The following USP32 variants were observed in gnomAD, a reference collection of about 807,000 sequenced individuals.
The protein encoded by USP32 is ubiquitin specific peptidase 32.
USP32 carries 59 observed loss-of-function variants against 204.8 expected under a neutral mutation model. The ratio of observed to expected loss-of-function variants is 0.29; its 90% CI spans 0.23 to 0.36. The LOEUF (loss-of-function observed/expected upper bound fraction) is 0.36, where lower values mean the gene tolerates loss of function less well. Among genes scored for constraint, USP32 ranks in the 10% least tolerant of loss-of-function variants. USP32 has a pLI of 1.00. For missense variants in USP32, 1,160 were observed against 1,946.4 expected, an observed-to-expected ratio of 0.60 and a Z score of 7.60; for synonymous variants, 517 against 678.4, an observed-to-expected ratio of 0.76 and a Z score of 3.70.
At chr17:60,416,187 G>C (rs1414810698) in intron 1 of USP32, among the ~76,000 whole-genome samples, 1 of 151,994 alleles carries the variant, frequency 6.6e-6, no homozygotes, top group Non-Finnish European at 1.5e-5. Context: ...AGTTCTTTAG[G>C]GTAATACAAG....
intron 7 of USP32, among the ~76,000 whole-genome samples, chr17:60,268,681 G>A (rs1258615543): frequency 6.6e-6 from 1 of 151,568 alleles, no homozygotes; most frequent in Non-Finnish European, 1.5e-5. Context: ...TATAACAACA[G>A]GGAATAAAAA....
chr17:60,312,713 G>T (rs1271879865), intron 2 of USP32, among the ~76,000 whole-genome samples: 1 of 151,980 alleles, frequency 6.6e-6, no homozygotes, highest in Middle Eastern at 3.2e-3. Context: ...AAGTTAAAAA[G>T]GCAAAAAATA....
intron 2 of USP32, among the ~76,000 whole-genome samples, chr17:60,302,998 A>G (rs2087624219): frequency 6.6e-6 from 1 of 152,178 alleles, no homozygotes; most frequent in Admixed American, 6.5e-5. Context: ...TCGAGAAGTT[A>G]GTCAATATGA....
rs2084426428 is a variant in USP32, at chr17:60,193,050, T to C, written c.3435-120A>G. 1.4e-5 allele frequency: 14 copies of C among 1,001,050 alleles called. No individual in the cohort carries two copies. In the South Asian group the frequency reaches 2.1e-4, roughly 15 times the overall value. The allele number at this position is 1,001,050 out of a possible 1,614,324, so 62.0% of individuals were successfully genotyped here. On this transcript the variant is annotated intron_variant, in intron 27 of 33. Coordinates refer to ENST00000300896, the MANE Select transcript of USP32 (RefSeq NM_032582.4). ...CATTTGCCATAGCAGTACGCTCATGTTGACAGCTCAATGTTACTTACCCTA... is the reference window on the plus strand; with the variant it reads ...CATTTGCCATAGCAGTACGCTCATGCTGACAGCTCAATGTTACTTACCCTA...
At position 60,198,438 on chromosome 17, in the gene USP32, T is replaced by C. The variant is rs778794146; in HGVS notation, c.3256A>G (p.Thr1086Ala). 3 of 1,614,092 alleles carry C rather than the reference T, an allele frequency of 1.9e-6. No individual in the cohort carries two copies. The highest frequency in any genetic ancestry group is 1.1e-5 in the South Asian group (1 of 91,056). ...IIAVHRKMMR[T>A]ELYFLSSQKN... ...TGAGATGACAGGAAATACAGTTCTGTCCTCATCTGTATGTACAAACAAGAG... is the reference window on the plus strand; with the variant it reads ...TGAGATGACAGGAAATACAGTTCTGCCCTCATCTGTATGTACAAACAAGAG... The change falls in exon 27 of 34, where the codon ACA becomes GCA. Residue 1086 changes from threonine to alanine, a missense_variant. Coordinates refer to ENST00000300896, the MANE Select transcript of USP32 (RefSeq NM_032582.4).
chr17:60,288,738 G>C, intron 4 of USP32, 56 bp from the exon 5 acceptor site: 1 of 1,480,362 alleles, frequency 6.8e-7, no homozygotes, highest in Non-Finnish European at 9.1e-7. Flanking sequence ...ATCTTACTTG[G>C]AACCTGCACA....
intron 1 of USP32, among the ~76,000 whole-genome samples, chr17:60,366,703 C>G (rs2089321313): frequency 6.6e-6 from 1 of 151,642 alleles, no homozygotes; most frequent in Admixed American, 6.6e-5. Flanking sequence ...GAGCTTGAGA[C>G]CATCCTGGGA....
At chr17:60,204,939 A>C (rs2145478091) in intron 26 of USP32, among the ~76,000 whole-genome samples, 1 of 150,632 alleles carries the variant, frequency 6.6e-6, no homozygotes, top group African/African-American at 2.5e-5. Context: ...ATGGCTGCTT[A>C]GTTAAAAAAA....
chr17:60,252,514 T>C (rs766723464), intron 10 of USP32, 72 bp from the exon 11 acceptor site: 21 of 1,152,040 alleles, frequency 1.8e-5, no homozygotes, highest in Non-Finnish European at 2.6e-5. Flanking sequence ...GAGACCCATT[T>C]CCTAAATTGG....
At chr17:60,359,640 G>A (rs2089159773) in intron 1 of USP32, among the ~76,000 whole-genome samples, 1 of 152,060 alleles carries the variant, frequency 6.6e-6, no homozygotes. Context: ...GGGAGACCCT[G>A]TCTCTACAAA....
intron 2 of USP32, among the ~76,000 whole-genome samples, chr17:60,336,672 C>T (rs1163393591): frequency 6.9e-6 from 1 of 144,648 alleles, no homozygotes; most frequent in African/African-American, 2.7e-5. Context: ...GCCGAGATCC[C>T]GCCACTGCAC....
At chr17:60,421,820 C>G in intron 1 of USP32, 1 of 981,744 alleles carries the variant, frequency 1.0e-6, no homozygotes, top group Non-Finnish European at 1.2e-6. Context: ...GGGACTTTCG[C>G]CGACACCCGG....
At chr17:60,271,881 A>C (rs1243418445) in intron 5 of USP32, among the ~76,000 whole-genome samples, 1 of 151,156 alleles carries the variant, frequency 6.6e-6, no homozygotes, top group Non-Finnish European at 1.5e-5. Flanking sequence ...ACACGATCAT[A>C]GTTCCCTACA....
chr17:60,292,554 A>G (rs1018796284), intron 4 of USP32, among the ~76,000 whole-genome samples: 2 of 152,150 alleles, frequency 1.3e-5, no homozygotes, highest in Non-Finnish European at 2.9e-5. Context: ...ATTCTGTCAC[A>G]TAGTCCATAA....
At chr17:60,194,914 T>C (rs1311380766) in intron 27 of USP32, among the ~76,000 whole-genome samples, 1 of 152,238 alleles carries the variant, frequency 6.6e-6, no homozygotes, top group Non-Finnish European at 1.5e-5. Flanking sequence ...CTCTTCTCCA[T>C]AGACCCTTAA....
chr17:60,246,712 T>C (rs1006663135), intron 11 of USP32, among the ~76,000 whole-genome samples: 2 of 151,966 alleles, frequency 1.3e-5, no homozygotes, highest in African/African-American at 2.4e-5. Context: ...TCAGTTATTC[T>C]TTGTCTTTTT....
At chr17:60,256,074 T>A (rs1056472319) in intron 9 of USP32, among the ~76,000 whole-genome samples, 4 of 151,982 alleles carry the variant, frequency 2.6e-5, no homozygotes, top group Non-Finnish European at 5.9e-5. Context: ...CATGGTGGCA[T>A]GTGCCTGTAG....
chr17:60,349,157 CA>C (rs1269834770), intron 1 of USP32, among the ~76,000 whole-genome samples: 2 of 150,132 alleles, frequency 1.3e-5, no homozygotes, highest in African/African-American at 4.9e-5. Context: ...GAATATATTA[CA>C]ATATAATTAA....
At chr17:60,375,904 G>A (rs370775792) in intron 1 of USP32, among the ~76,000 whole-genome samples, 18 of 152,006 alleles carry the variant, frequency 1.2e-4, no homozygotes, top group East Asian at 7.7e-4. Flanking sequence ...CACTATGCCC[G>A]GCCAAATCTT....
Sources: allele counts gnomAD v4.1 joint callset (sites outside exome capture counted in the v4.1 genomes callset), GRCh38; gene constraint gnomAD v4.1.1; transcripts MANE v1.5; gene names NCBI Gene and HGNC (gene_info 2026-07-23, HGNC 2026-07-21).